The following FYB2 variants were observed in gnomAD, a reference collection of about 807,000 sequenced individuals.
FYB2 encodes the protein FYN-binding protein 2.
FYB2 carries 103 observed loss-of-function variants against 94.1 expected under a neutral mutation model. The observed-to-expected ratio is 1.09, with a 90% CI of 0.93 to 1.29. The LOEUF (loss-of-function observed/expected upper bound fraction) is 1.29. FYB2 is among the 50% of genes most tolerant of loss of function. The pLI is 0.00. For synonymous variants in FYB2, 293 were observed against 287.9 expected (o/e 1.02, Z -0.18); for missense variants, 896 against 841.5 (o/e 1.06, Z -0.80).
chr1:56,753,886 T>G lies in FYB2; in HGVS notation c.1180A>C (p.Lys394Gln). 1.2e-6 allele frequency: 2 copies of G among 1,611,776 alleles called. No homozygotes were observed. The highest frequency in any genetic ancestry group is 1.7e-6 in the Non-Finnish European group (2 of 1,178,340). ...GGTTCCTTTTCTGTGTTTTTAGGTT[T>G]CAATTCACATGGTTGTTTTTCCTTC... ...KMKEKQPCELKPKNTEKEPYS... is the reference protein window; with the variant it reads ...KMKEKQPCELQPKNTEKEPYS... The change falls in exon 8 of 20, where the codon AAA (lysine) becomes CAA (glutamine). Residue 394 changes from lysine (K) to glutamine (Q), a missense_variant. By Grantham distance (53) the Lys-to-Gln change is moderately conservative. Transcript: ENST00000343433.
chr1:56,792,121 T>G lies in FYB2; in HGVS notation c.692A>C (p.Glu231Ala). 3 of 1,613,414 alleles carry G rather than the reference T, an allele frequency of 1.9e-6. No individual in the cohort carries two copies. The highest frequency in any genetic ancestry group is 2.5e-6 in the Non-Finnish European group (3 of 1,179,786). Residue 231 changes from glutamate (E) to alanine (A), a missense_variant, in exon 2 of 20, where the codon GAG becomes GCG. Transcript: ENST00000343433. ...GCAGGGGCTGCTTGCCGGGCTCCTC[T>G]CAGGAGGTGGGTTTTCCCAGCTTTT... ...IRKSWENPPPERSPASSPCQP... is the reference protein window; with the variant it reads ...IRKSWENPPPARSPASSPCQP...
intron 17 of FYB2, among the ~76,000 whole-genome samples, chr1:56,721,019 C>G (rs1459855627): frequency 6.6e-6 from 1 of 152,000 alleles, no homozygotes; most frequent in Non-Finnish European, 1.5e-5. Flanking sequence ...TATAGCTATA[C>G]TACATGTTAT....
chr1:56,741,802 A>G lies in FYB2; in HGVS notation c.1604+359T>C, dbSNP rs949219136. On this transcript the variant is annotated intron_variant, in intron 12 of 19. Coordinates refer to ENST00000343433, the MANE Select transcript of FYB2 (RefSeq NM_001004303.5). ...ATAACCATTAATTTGTTCCTGGAAAAACAGCTATAAAATTGAAGCAAGTTT... is the reference window on the plus strand; with the variant it reads ...ATAACCATTAATTTGTTCCTGGAAAGACAGCTATAAAATTGAAGCAAGTTT... 2.6e-5 allele frequency among the ~76,000 whole-genome samples: 4 copies of G among 152,084 alleles called. No individual in the cohort carries two copies. In the East Asian group the frequency reaches 5.8e-4, roughly 22 times the overall value.
chr1:56,818,194 G>C (rs769860891), intron 1 of FYB2, among the ~76,000 whole-genome samples: 2 of 151,992 alleles, frequency 1.3e-5, no homozygotes, highest in East Asian at 3.9e-4. Context: ...GGGGTGGCGG[G>C]GAGAACTCAG....
intron 1 of FYB2, among the ~76,000 whole-genome samples, chr1:56,799,915 C>G (rs11206919): frequency 1.3e-5 from 2 of 152,058 alleles, no homozygotes; most frequent in African/African-American, 4.8e-5. Flanking sequence ...TGAGTGAATG[C>G]GGTCATAAAA....
intron 1 of FYB2, 109 bp from the exon 2 acceptor site, chr1:56,792,912 C>CAGTGAGATCTAA: frequency 8.9e-7 from 1 of 1,123,926 alleles, no homozygotes; most frequent in Non-Finnish European, 1.3e-6. Context: ...GTGATTAGAT[C>CAGTGAGATCTAA]TCACTGATCT....
chr1:56,744,044 A>T lies in FYB2; in HGVS notation c.1525T>A (p.Ser509Thr). The stretch of plus-strand genomic sequence containing the variant: ...TACTTACCACTACTTGAGGCAAGTG[A>T]GCTAGAGTAGTTCAGCTTCGGTCTA... ...KEVPKLNYSS[S>T]LASSSEENRE... Residue 509 changes from serine (S) to threonine (T), a missense_variant, in exon 11 of 20, where the codon TCA becomes ACA. Physicochemically the swap from Ser to Thr is moderately conservative, Grantham distance 58. Coordinates refer to ENST00000343433, the MANE Select transcript of FYB2 (RefSeq NM_001004303.5). The T allele has an allele frequency of 6.2e-7, 1 of 1,612,580 alleles. No individual in the cohort carries two copies. The highest frequency in any genetic ancestry group is 1.7e-5 in the Admixed American group (1 of 59,826).
upstream of FYB2, among the ~76,000 whole-genome samples, chr1:56,820,064 C>G (rs886159475): frequency 6.6e-6 from 1 of 151,836 alleles, no homozygotes; most frequent in African/African-American, 2.4e-5. Context: ...CCTGTCTCTA[C>G]CAAAAATATA....
In FYB2 at chr1:56,792,732, A is replaced by G. The variant is rs747444730; in HGVS notation, c.81T>C (p.Pro27=). The change falls in exon 2 of 20, where the codon CCT becomes CCC. Residue 27 remains proline (P), a synonymous_variant. Transcript: ENST00000343433. ...GAGAAACACCTGCTGGGAATTTAATAGGTCCTGGAAGAGGTGGAGCATCAA... is the reference window on the plus strand; with the variant it reads ...GAGAAACACCTGCTGGGAATTTAATGGGTCCTGGAAGAGGTGGAGCATCAA... ...QNLDAPPLPG[P]IKFPAGVSPK... The G allele has an allele frequency of 6.2e-7, 1 of 1,614,118 alleles. No individual in the cohort carries two copies. The highest frequency in any genetic ancestry group is 8.5e-7 in the Non-Finnish European group (1 of 1,180,000).
chr1:56,728,341 G>T (rs1442343739), intron 15 of FYB2, among the ~76,000 whole-genome samples: 2 of 151,950 alleles, frequency 1.3e-5, no homozygotes, highest in Non-Finnish European at 2.9e-5. Flanking sequence ...GAGCTTCCAG[G>T]TTATCTTGCA....
chr1:56,796,888 T>C (rs1278018457), intron 1 of FYB2, among the ~76,000 whole-genome samples: 1 of 152,212 alleles, frequency 6.6e-6, no homozygotes, highest in African/African-American at 2.4e-5. Flanking sequence ...TCTCAAAATA[T>C]TTGTTGGTTG....
Position 56,792,077 on chromosome 1 carries a change from C to T in FYB2, c.736G>A (p.Glu246Lys), listed in dbSNP as rs780506343. The part of the protein sequence containing the change: ...SSPCQPIYEC[E>K]LASQAPEKQP... ...TTACCTGGGGCCTGACTGGCAAGCT[C>T]ACACTCATAGATGGGCTGGCAGGGG... Residue 246 changes from glutamate (E) to lysine (K), a missense_variant, in exon 2 of 20, where the codon GAG becomes AAG. Physicochemically the swap from Glu to Lys is moderately conservative, Grantham distance 56. Transcript: ENST00000343433. The T allele has an allele frequency of 4.4e-6, 7 of 1,598,260 alleles. No individual in the cohort carries two copies. The African/African-American group carries it at 6.8e-5, about 15-fold the overall frequency.
At chr1:56,720,393 AT>A in intron 17 of FYB2, 64 bp from the exon 18 acceptor site, 1 of 1,421,314 alleles carries the variant, frequency 7.0e-7, no homozygotes, top group Non-Finnish European at 9.5e-7. Context: ...AACAAAATTA[AT>A]GGAGGATATA....
chr1:56,803,695 T>TC (rs1210824112), intron 1 of FYB2, among the ~76,000 whole-genome samples: 1 of 152,194 alleles, frequency 6.6e-6, no homozygotes, highest in Non-Finnish European at 1.5e-5. Context: ...CTTGATCTGG[T>TC]CCCAAACCGC....
rs1343772362 is a variant in FYB2 at position 56,775,959 on chromosome 1, A to T, written c.954-8021T>A. The stretch of plus-strand genomic sequence containing the variant: ...GTTAATTTTATATGCATTATCTCAC[A>T]TAATCCTCTCAGTAGCAGTATGAGG... On this transcript the variant is annotated intron_variant, in intron 4 of 19. Transcript: ENST00000343433. Among the ~76,000 whole-genome samples the T allele has an allele frequency of 2.0e-5, 3 of 152,336 alleles. No individual in the cohort carries two copies. In the East Asian group the frequency reaches 5.8e-4, roughly 29 times the overall value.
intron 1 of FYB2, among the ~76,000 whole-genome samples, chr1:56,801,755 A>G (rs17114372): frequency 0.033 from 4,982 of 152,120 alleles, 260 homozygotes; most frequent in African/African-American, 0.11. Context: ...TCATTTCCCT[A>G]TGTACCCAGA....
chr1:56,720,029 C>A lies in FYB2; in HGVS notation c.2158G>T (p.Asp720Tyr). 1 of 1,600,996 alleles carries A rather than the reference C, an allele frequency of 6.2e-7. No homozygotes were observed. Among genetic ancestry groups the A allele is most frequent in the Non-Finnish European group, 8.5e-7 (1 of 1,173,860 alleles). The change falls in exon 19 of 20, where the codon GAT (aspartate) becomes TAT (tyrosine). Residue 720 changes from aspartate (D) to tyrosine (Y), a missense_variant. By Grantham distance (160) the Asp-to-Tyr change is radical. Coordinates refer to ENST00000343433, the MANE Select transcript of FYB2 (RefSeq NM_001004303.5). ...TAAAATCAAACAGCTTACTTGAAATCTAGATGTTCAATGAGCACATATCCA... is the reference window on the plus strand; with the variant it reads ...TAAAATCAAACAGCTTACTTGAAATATAGATGTTCAATGAGCACATATCCA... ...KYGYVLIEHLDFKHQSWSP is the reference protein window; with the variant it reads ...KYGYVLIEHLYFKHQSWSP
chr1:56,728,669 T>G (rs1335166912), intron 15 of FYB2, among the ~76,000 whole-genome samples: 1 of 152,142 alleles, frequency 6.6e-6, no homozygotes, highest in Non-Finnish European at 1.5e-5. Flanking sequence ...TATTCTTTTC[T>G]TCTTAAATTA....
chr1:56,745,804 A>G lies in FYB2; in HGVS notation c.1388-1538T>C, dbSNP rs75761085. Among the ~76,000 whole-genome samples, 743 of 152,114 alleles carry G rather than the reference A, an allele frequency of 4.9e-3. 34 individuals carry two copies. The East Asian group carries it at 0.11, about 23-fold the overall frequency. On this transcript the variant is annotated intron_variant, in intron 9 of 19. Coordinates refer to ENST00000343433, the MANE Select transcript of FYB2 (RefSeq NM_001004303.5). The stretch of plus-strand genomic sequence containing the variant: ...TAAAGTTCTTGCAGTGATCTACAGA[A>G]GTCCCTTGTTATTTCTGTGACCCCA...
Sources: allele counts gnomAD v4.1 joint callset (sites outside exome capture counted in the v4.1 genomes callset), GRCh38; gene constraint gnomAD v4.1.1; transcripts MANE v1.5; gene names NCBI Gene and HGNC (gene_info 2026-07-23, HGNC 2026-07-21).